Variants in LRRC7 observed in about 807,000 individuals in gnomAD.
The protein encoded by LRRC7 is leucine rich repeat containing 7.
A neutral mutation model predicts 175.7 loss-of-function variants in LRRC7; 23 were observed. The observed-to-expected ratio is 0.13, with a 90% CI of 0.09 to 0.19. The LOEUF is 0.19. LRRC7 is among the 10% of genes least tolerant of loss of function. The probability of loss-of-function intolerance (pLI) is 1.00; values close to 1 mark genes in which losing one functional copy is unlikely to be tolerated. For synonymous variants in LRRC7, 685 were observed against 680.9 expected (o/e 1.01, Z -0.09); for missense variants, 1,354 against 1,904.7 (o/e 0.71, Z 5.38).
intron 5 of LRRC7, among the ~76,000 whole-genome samples, chr1:69,829,815 T>C (rs1462243575): frequency 6.6e-6 from 1 of 151,802 alleles, no homozygotes; most frequent in Non-Finnish European, 1.5e-5. Flanking sequence ...CAACTTATGA[T>C]TGTCATCTTC....
intron 23 of LRRC7, among the ~76,000 whole-genome samples, chr1:70,067,170 A>G (rs1662039083): frequency 6.6e-6 from 1 of 151,980 alleles, no homozygotes; most frequent in African/African-American, 2.4e-5. Flanking sequence ...AGAGTTCTTT[A>G]TATATTCTAG....
intron 7 of LRRC7, among the ~76,000 whole-genome samples, chr1:69,920,827 T>G (rs1341773789): frequency 6.6e-6 from 1 of 152,194 alleles, no homozygotes; most frequent in Non-Finnish European, 1.5e-5. Flanking sequence ...TGGTCCTTCA[T>G]CTGGGCCCCC....
In LRRC7 at chr1:70,141,616, A is replaced by G. The variant is rs1242433108; in HGVS notation, c.*19729A>G. 1 of 152,082 alleles carries G rather than the reference A, an allele frequency of 6.6e-6. No homozygotes were observed. Among genetic ancestry groups the G allele is most frequent in the African/African-American group, 2.4e-5 (1 of 41,458 alleles). The allele number at this position is 152,082 out of a possible 1,614,324, so 9.4% of individuals were successfully genotyped here. A position where few individuals can be genotyped will look rare whatever the true frequency, so the allele number is the denominator to read the frequency against. On this transcript the variant is annotated 3_prime_UTR_variant, in exon 27 of 27. Coordinates refer to ENST00000651989, the MANE Select transcript of LRRC7 (RefSeq NM_001370785.2). ...AAATTAAAATGTGGTTATCTCAGCT[A>G]TAGTTAAGAAAATTATCAAATGTAA...
chr1:69,877,193 GA>G (rs1236039474), intron 7 of LRRC7, among the ~76,000 whole-genome samples: 1 of 152,060 alleles, frequency 6.6e-6, no homozygotes, highest in Admixed American at 6.6e-5. Flanking sequence ...AGGTTTTGAT[GA>G]AATGGTTTTA....
intron 8 of LRRC7, among the ~76,000 whole-genome samples, chr1:69,953,134 C>G (rs1393713883): frequency 6.6e-6 from 1 of 151,932 alleles, no homozygotes; most frequent in African/African-American, 2.4e-5. Context: ...TTAAATCCAC[C>G]GCTACAAGGA....
At position 70,036,203 on chromosome 1, in the gene LRRC7, A is replaced by G; in HGVS notation, c.2078A>G (p.Lys693Arg). 1 of 1,613,458 alleles carries G rather than the reference A, an allele frequency of 6.2e-7. No individual in the cohort carries two copies. Among genetic ancestry groups the G allele is most frequent in the Non-Finnish European group, 8.5e-7 (1 of 1,179,660 alleles). ...SLAETPLYPP[K>R]LVLLGKDKKE... Reference sequence around the variant, plus strand: ...GCTGAGACCCCTCTGTACCCACCCAAACTTGTTCTGCTAGGGAAGGACAAA... The same window carrying G: ...GCTGAGACCCCTCTGTACCCACCCAGACTTGTTCTGCTAGGGAAGGACAAA... The change falls in exon 19 of 27, where the codon AAA becomes AGA. Residue 693 changes from lysine to arginine, a missense_variant. Lys to Arg is a conservative substitution (Grantham distance 26, BLOSUM62 2). Transcript: ENST00000651989.
chr1:69,617,446 A>G (rs999747693), intron 1 of LRRC7, among the ~76,000 whole-genome samples: 1 of 150,544 alleles, frequency 6.6e-6, no homozygotes, highest in Non-Finnish European at 1.5e-5. Context: ...TAAAAAGTTT[A>G]GAATCATTTT....
intron 26 of LRRC7, among the ~76,000 whole-genome samples, chr1:70,108,250 A>G (rs1665278473): frequency 6.6e-6 from 1 of 152,030 alleles, no homozygotes; most frequent in African/African-American, 2.4e-5. Flanking sequence ...ATGCTATGAA[A>G]TATATAATAC....
chr1:69,960,450 T>C (rs571757875), intron 8 of LRRC7, among the ~76,000 whole-genome samples: 3 of 152,278 alleles, frequency 2.0e-5, no homozygotes, highest in African/African-American at 7.2e-5. Flanking sequence ...GATTCGTTGA[T>C]CTTCCAAATG....
chr1:70,109,084 C>T (rs1017520318), intron 26 of LRRC7, among the ~76,000 whole-genome samples: 10 of 152,094 alleles, frequency 6.6e-5, no homozygotes, highest in Non-Finnish European at 8.8e-5. Flanking sequence ...TGCAATGGCA[C>T]GATCTCGGCT....
At chr1:69,664,199 A>ATC (rs1464058514) in intron 1 of LRRC7, among the ~76,000 whole-genome samples, 1 of 152,154 alleles carries the variant, frequency 6.6e-6, no homozygotes, top group African/African-American at 2.4e-5. Context: ...TTAGGCATTT[A>ATC]TCTGTTGATG....
intron 7 of LRRC7, among the ~76,000 whole-genome samples, chr1:69,870,653 C>A (rs1317410241): frequency 6.6e-6 from 1 of 152,064 alleles, no homozygotes; most frequent in African/African-American, 2.4e-5. Flanking sequence ...AGAATTCCTT[C>A]TCTTTTTTTG....
chr1:69,727,111 C>T (rs1338896211), intron 2 of LRRC7, among the ~76,000 whole-genome samples: 1 of 152,172 alleles, frequency 6.6e-6, no homozygotes, highest in East Asian at 1.9e-4. Flanking sequence ...TGAGGCAAGG[C>T]AGCTGGGCTT....
At chr1:69,920,100 G>A in intron 7 of LRRC7, 1 of 259,512 alleles carries the variant, frequency 3.9e-6, no homozygotes, top group Non-Finnish European at 7.4e-6. Context: ...CAGACCCAGG[G>A]CAATGTGGTG....
At chr1:70,075,429 C>T (rs763590743) in intron 23 of LRRC7, among the ~76,000 whole-genome samples, 16 of 152,240 alleles carry the variant, frequency 1.1e-4, no homozygotes, top group African/African-American at 3.6e-4. Flanking sequence ...TGATCATTAT[C>T]GGTTTAAATA....
At chr1:70,051,821 TA>T (rs1410748493) in intron 22 of LRRC7, among the ~76,000 whole-genome samples, 1 of 151,960 alleles carries the variant, frequency 6.6e-6, no homozygotes, top group East Asian at 1.9e-4. Flanking sequence ...GCAATGCCTT[TA>T]AAAAAATGCT....
intron 11 of LRRC7, among the ~76,000 whole-genome samples, chr1:69,996,538 C>T (rs1255054652): frequency 4.0e-5 from 6 of 150,954 alleles, no homozygotes; most frequent in East Asian, 3.9e-4. Flanking sequence ...TTAGGTCTAA[C>T]GTTTAAGTCT....
intron 11 of LRRC7, among the ~76,000 whole-genome samples, chr1:70,003,275 A>G (rs1372680857): frequency 6.6e-6 from 1 of 152,120 alleles, no homozygotes; most frequent in East Asian, 1.9e-4. Flanking sequence ...CTAAGGCCCC[A>G]TCTCCAAATA....
At chr1:70,073,966 T>A (rs1369826319) in intron 23 of LRRC7, among the ~76,000 whole-genome samples, 1 of 152,192 alleles carries the variant, frequency 6.6e-6, no homozygotes, top group Non-Finnish European at 1.5e-5. Context: ...TTTGAGAGGC[T>A]GAGGCCGGTA....
Sources: gnomAD v4.1 joint callset for allele counts (sites outside exome capture counted in the v4.1 genomes callset) on GRCh38, gnomAD v4.1.1 for gene constraint, MANE v1.5 for transcripts, NCBI Gene and HGNC (gene_info 2026-07-23, HGNC 2026-07-21) for gene names.